Variants in RABEP1 observed in about 807,000 individuals in gnomAD.
RABEP1 encodes rabaptin, RAB GTPase binding effector protein 1.
RABEP1 carries 51 observed loss-of-function variants against 123.4 expected under a neutral mutation model. That is an observed-to-expected ratio of 0.41 (90% confidence interval 0.33 to 0.52). The LOEUF (loss-of-function observed/expected upper bound fraction) is 0.52. RABEP1 is among the 20% of genes least tolerant of loss of function. RABEP1 has a pLI of 0.16. For missense variants in RABEP1, 888 were observed against 996.3 expected (o/e 0.89, Z 1.46); for synonymous variants, 347 against 355.2 (o/e 0.98, Z 0.26).
chr17:5,369,542 G>C (rs193111384), intron 12 of RABEP1, among the ~76,000 whole-genome samples: 1 of 152,264 alleles, frequency 6.6e-6, no homozygotes, highest in Non-Finnish European at 1.5e-5. Flanking sequence ...CTGTTGGGAA[G>C]CATCTCATCC....
At chr17:5,317,626 G>GATATAT (rs56165368) in intron 2 of RABEP1, among the ~76,000 whole-genome samples, 2,984 of 149,488 alleles carry the variant, frequency 0.02, 88 homozygotes, top group East Asian at 0.1. Context: ...TACTGGAAAG[G>GATATAT]ATATATATAT....
intron 1 of RABEP1, among the ~76,000 whole-genome samples, chr17:5,294,624 C>T (rs1307845226): frequency 1.0e-5 from 1 of 100,012 alleles, no homozygotes; most frequent in African/African-American, 3.2e-5. Context: ...TGAGGGAAAA[C>T]GGTATTGTCT....
At position 5,377,227 on chromosome 17, in the gene RABEP1, A is replaced by G. The variant is rs764032932; in HGVS notation, c.2137A>G (p.Ile713Val). 1 of 1,612,774 alleles carries G rather than the reference A, an allele frequency of 6.2e-7. No homozygotes were observed. Among genetic ancestry groups the G allele is most frequent in the Non-Finnish European group, 8.5e-7 (1 of 1,179,772 alleles). ...TGAGATACTTTTCCTAAAAGAGCAG[A>G]TCCAAGCAGAACAGTGTTTAAAAGA... is the stretch of plus-strand genomic sequence containing the variant. ...KAEILFLKEQ[I>V]QAEQCLKENL... Residue 713 changes from isoleucine to valine, a missense_variant, in exon 14 of 18, where the codon ATC (isoleucine) becomes GTC (valine). Ile to Val is a conservative substitution (Grantham distance 29). Transcript: ENST00000537505.
At chr17:5,306,533 CAGA>C in intron 1 of RABEP1, among the ~76,000 whole-genome samples, 1 of 151,636 alleles carries the variant, frequency 6.6e-6, no homozygotes, top group East Asian at 2.0e-4. Flanking sequence ...GAGGCTGAGG[CAGA>C]AGAATTGCTT....
intron 6 of RABEP1, among the ~76,000 whole-genome samples, chr17:5,348,286 G>A (rs1040509677): frequency 2.0e-5 from 3 of 152,142 alleles, no homozygotes; most frequent in African/African-American, 7.2e-5. Flanking sequence ...GCCCAGATAG[G>A]CTTCTTAAAA....
At chr17:5,368,277 C>T in intron 11 of RABEP1, 93 bp from the exon 12 acceptor site, 1 of 866,626 alleles carries the variant, frequency 1.2e-6, no homozygotes, top group East Asian at 2.5e-5. Context: ...AATAAAATGT[C>T]AATTCCAGAC....
intron 5 of RABEP1, among the ~76,000 whole-genome samples, chr17:5,346,170 C>T (rs1226311388): frequency 1.3e-5 from 2 of 152,144 alleles, no homozygotes; most frequent in African/African-American, 2.4e-5. Flanking sequence ...TCCCAAAGTG[C>T]TAGGATTACA....
chr17:5,286,442 C>T (rs1455274039), intron 1 of RABEP1, among the ~76,000 whole-genome samples: 1 of 151,904 alleles, frequency 6.6e-6, no homozygotes, highest in Non-Finnish European at 1.5e-5. Context: ...AGCAGTGAGC[C>T]GAGATCGTGC....
In RABEP1 at chr17:5,354,331, CAT is replaced by C. The variant is rs748702217; in HGVS notation, c.964-21_964-20del. 9 of 1,583,946 alleles carry C rather than the reference CAT, an allele frequency of 5.7e-6. No individual in the cohort carries two copies. In the Admixed American group the frequency reaches 1.4e-4, roughly 25 times the overall value. ...CACTTATTAAGTAGGTTACTTGGGT[CAT>C]ATATATGTTTTTTTCTTCCTTTTAG... On this transcript the variant is annotated intron_variant, in intron 7 of 17. Transcript: ENST00000537505.
rs1027000833 is a variant in RABEP1 at position 5,352,225 on chromosome 17, T to C, written c.963+1596T>C. 1.6e-4 allele frequency among the ~76,000 whole-genome samples: 25 copies of C among 151,642 alleles called. 1 individual carries two copies. Among genetic ancestry groups the C allele is most frequent in the Admixed American group, 1.2e-3 (18 of 15,214 alleles). ...TCTTTTTTTTGAGACAGGATTTCAC[T>C]CCAGTCACCCAGGCTGGAGCACAGT... On this transcript the variant is annotated intron_variant, in intron 7 of 17. Coordinates refer to ENST00000537505, the MANE Select transcript of RABEP1 (RefSeq NM_004703.6).
In RABEP1 at chr17:5,373,249, T is replaced by C. The variant is rs887314870; in HGVS notation, c.1885-65T>C. The C allele has an allele frequency of 2.7e-6, 4 of 1,501,056 alleles. No individual in the cohort carries two copies. The Admixed American group carries it at 6.2e-5, about 23-fold the overall frequency. The allele number at this position is 1,501,056 out of a possible 1,614,324, so 93.0% of individuals were successfully genotyped here. A position where few individuals can be genotyped will look rare whatever the true frequency, so the allele number is the denominator to read the frequency against. On this transcript the variant is annotated intron_variant, in intron 12 of 17. Transcript: ENST00000537505. ...CCTTTAGTTTGGACTTGTTTTTCTC[T>C]GGTGTAGCTATCACCAGACCGGATC...
chr17:5,366,562 C>T (rs953423236), intron 11 of RABEP1, among the ~76,000 whole-genome samples: 1 of 152,054 alleles, frequency 6.6e-6, no homozygotes, highest in East Asian at 1.9e-4. Context: ...TTTCCTGCCT[C>T]AGCCTCCTGA....
intron 2 of RABEP1, among the ~76,000 whole-genome samples, chr17:5,330,163 T>C (rs375347919): frequency 2.0e-5 from 3 of 152,238 alleles, no homozygotes; most frequent in East Asian, 1.9e-4. Flanking sequence ...TTGACACACA[T>C]AAACTTTTCC....
At chr17:5,338,666 G>A (rs184363939) in intron 5 of RABEP1, among the ~76,000 whole-genome samples, 7 of 152,298 alleles carry the variant, frequency 4.6e-5, no homozygotes, top group Non-Finnish European at 1.0e-4. Context: ...TTTATCACAA[G>A]TGGCTGCTTT....
At chr17:5,351,941 C>T (rs1026535443) in intron 7 of RABEP1, among the ~76,000 whole-genome samples, 8 of 152,008 alleles carry the variant, frequency 5.3e-5, no homozygotes, top group Middle Eastern at 3.2e-3. Context: ...GGTGGTCCCC[C>T]TTTTCTTGTC....
intron 4 of RABEP1, among the ~76,000 whole-genome samples, chr17:5,336,936 CT>C (rs1018442916): frequency 9.9e-5 from 15 of 152,166 alleles, no homozygotes; most frequent in African/African-American, 3.1e-4. Flanking sequence ...ATATTTTTCC[CT>C]ATCGTGCACA....
chr17:5,356,185 A>C (rs1014242592), intron 8 of RABEP1, among the ~76,000 whole-genome samples: 1 of 152,170 alleles, frequency 6.6e-6, no homozygotes, highest in East Asian at 1.9e-4. Context: ...GTGAAACCCT[A>C]TCTCTACTAA....
At chr17:5,354,132 T>C (rs1367853774) in intron 7 of RABEP1, among the ~76,000 whole-genome samples, 1 of 152,204 alleles carries the variant, frequency 6.6e-6, no homozygotes, top group Non-Finnish European at 1.5e-5. Context: ...TGGAAGCTGC[T>C]TCCTGATTTC....
chr17:5,302,083 G>C (rs1199095205), intron 1 of RABEP1, among the ~76,000 whole-genome samples: 3 of 152,032 alleles, frequency 2.0e-5, no homozygotes, highest in Admixed American at 2.0e-4. Flanking sequence ...TTTGAAGGGT[G>C]AGCAACTTGG....
Sources: gnomAD v4.1 joint callset for allele counts (sites outside exome capture counted in the v4.1 genomes callset) on GRCh38, gnomAD v4.1.1 for gene constraint, MANE v1.5 for transcripts, NCBI Gene and HGNC (gene_info 2026-07-23, HGNC 2026-07-21) for gene names.